SPTBN4: variants seen among roughly 807,000 people sequenced by gnomAD.
The protein encoded by SPTBN4 is spectrin beta, non-erythrocytic 4.
A neutral mutation model predicts 277.8 loss-of-function variants in SPTBN4; 96 were observed. The ratio of observed to expected loss-of-function variants is 0.35; its 90% CI spans 0.29 to 0.41. SPTBN4 has a LOEUF of 0.41. SPTBN4 is among the 10% of genes least tolerant of loss of function. The pLI, the probability that SPTBN4 is intolerant of heterozygous loss-of-function variation, is 1.00. For missense variants in SPTBN4, 3,006 were observed against 3,595.7 expected, an observed-to-expected ratio of 0.84 and a Z score of 4.19; for synonymous variants, 1,481 against 1,580.3, an observed-to-expected ratio of 0.94 and a Z score of 1.49.
intron 22 of SPTBN4, among the ~76,000 whole-genome samples, chr19:40,551,306 C>T (rs902320488): frequency 6.6e-6 from 1 of 152,002 alleles, no homozygotes; most frequent in Non-Finnish European, 1.5e-5. Context: ...GGGAGGGTCC[C>T]TTGAGTCCAG....
intron 1 of SPTBN4, among the ~76,000 whole-genome samples, chr19:40,471,749 T>C (rs57150793): frequency 0.011 from 1,626 of 152,126 alleles, 34 homozygotes; most frequent in African/African-American, 0.037. Flanking sequence ...ATTTTTAAAT[T>C]TTTTTAAAAG....
chr19:40,539,645 A>C (rs2080776252), intron 20 of SPTBN4, among the ~76,000 whole-genome samples: 1 of 151,018 alleles, frequency 6.6e-6, no homozygotes, highest in South Asian at 2.1e-4. Flanking sequence ...ACGCCTGGCT[A>C]ATTTTTGTAT....
chr19:40,481,926 G>A (rs1041456495), intron 2 of SPTBN4, among the ~76,000 whole-genome samples: 4 of 151,488 alleles, frequency 2.6e-5, no homozygotes, highest in African/African-American at 9.7e-5. Flanking sequence ...TAGTGAGATG[G>A]CCATTCAAGT....
chr19:40,532,909 C>A, intron 19 of SPTBN4, 138 bp downstream of exon 19: 1 of 1,089,314 alleles, frequency 9.2e-7, no homozygotes, highest in Non-Finnish European at 1.2e-6. Flanking sequence ...TCCAGATCTG[C>A]TCCTAGCTAT....
chr19:40,535,685 C>T (rs1025317744), intron 20 of SPTBN4, among the ~76,000 whole-genome samples: 3 of 152,182 alleles, frequency 2.0e-5, no homozygotes, highest in Non-Finnish European at 2.9e-5. Context: ...GTAACCCCAG[C>T]ACTTCGGGAG....
intron 17 of SPTBN4, among the ~76,000 whole-genome samples, chr19:40,525,277 G>T (rs1161124116): frequency 2.6e-5 from 4 of 151,166 alleles, no homozygotes; most frequent in Non-Finnish European, 5.9e-5. Flanking sequence ...TCATCATTTA[G>T]TGCCCCCTTT....
chr19:40,575,342 C>T (rs968947169), intron 35 of SPTBN4, 69 bp from the exon 36 acceptor site: 58 of 1,529,140 alleles, frequency 3.8e-5, no homozygotes, highest in Non-Finnish European at 2.7e-5. Context: ...GTAGTCTGAT[C>T]TGAAATTCAC....
chr19:40,509,015 T>C (rs814528), intron 13 of SPTBN4, among the ~76,000 whole-genome samples: 36,010 of 151,072 alleles, frequency 0.24, 5,540 homozygotes, highest in African/African-American at 0.44. Flanking sequence ...TACTCCATCG[T>C]GGTCAGAGTG....
At chr19:40,471,799 C>T (rs1041793691) in intron 1 of SPTBN4, among the ~76,000 whole-genome samples, 18 of 152,014 alleles carry the variant, frequency 1.2e-4, no homozygotes, top group Non-Finnish European at 2.6e-4. Context: ...AGTGCAGTGG[C>T]GCTATCTTGG....
rs1181530873 is a variant in SPTBN4 at position 40,516,003 on chromosome 19, G to GTATA, written c.2903+560_2903+563dup. 8.0e-5 allele frequency among the ~76,000 whole-genome samples: 11 copies of GTATA among 137,018 alleles called. No individual in the cohort carries two copies. In the South Asian group the frequency reaches 1.2e-3, roughly 15 times the overall value. The allele number at this position is 137,018 out of a possible 152,430, so 89.9% of individuals were successfully genotyped here. ...TATACGTATATATACACATATATAC[G>GTATA]TATATATACACACATATACGTATAT... On this transcript the variant is annotated intron_variant, in intron 15 of 35. Coordinates refer to ENST00000598249, the MANE Select transcript of SPTBN4 (RefSeq NM_020971.3).
intron 21 of SPTBN4, 117 bp from the exon 22 acceptor site, chr19:40,550,121 C>A (rs572333237): frequency 9.6e-6 from 7 of 726,492 alleles, no homozygotes; most frequent in African/African-American, 1.8e-5. Flanking sequence ...GCTGAATATT[C>A]AACTGGGCTC....
At chr19:40,498,838 A>T (rs981277291) in intron 7 of SPTBN4, among the ~76,000 whole-genome samples, 1 of 151,828 alleles carries the variant, frequency 6.6e-6, no homozygotes, top group African/African-American at 2.4e-5. Flanking sequence ...AGTAGCTGGG[A>T]CTACAGGTGT....
intron 1 of SPTBN4, among the ~76,000 whole-genome samples, chr19:40,469,411 C>G (rs750818065): frequency 6.8e-6 from 1 of 146,788 alleles, no homozygotes; most frequent in Non-Finnish European, 1.5e-5. Context: ...ATTACAGGCA[C>G]CTGCAACCTT....
At chr19:40,470,545 G>A (rs1469229348) in intron 1 of SPTBN4, among the ~76,000 whole-genome samples, 1 of 149,492 alleles carries the variant, frequency 6.7e-6, no homozygotes, top group Non-Finnish European at 1.5e-5. Context: ...GACCTCAAGC[G>A]ATCTGCCTGC....
chr19:40,554,430 G>A lies in SPTBN4; in HGVS notation c.4953+5G>A, dbSNP rs1286958274. 1 of 1,550,928 alleles carries A rather than the reference G, an allele frequency of 6.4e-7. No homozygotes were observed. The highest frequency in any genetic ancestry group is 1.9e-5 in the Admixed American group (1 of 52,510). On this transcript the variant is annotated splice_donor_5th_base_variant and intron_variant, in intron 23 of 35. Coordinates refer to ENST00000598249, the MANE Select transcript of SPTBN4 (RefSeq NM_020971.3). This position sits in a 1 kb window ranked among gnomAD's most constrained non-coding sequence, Gnocchi z 5.7. ...ATGAGTGAGGACAAGGGCAAGGTGCGCCCGAGCTGGGGGTGCGGAGGGCCT... is the reference window on the plus strand; with the variant it reads ...ATGAGTGAGGACAAGGGCAAGGTGCACCCGAGCTGGGGGTGCGGAGGGCCT...
intron 7 of SPTBN4, among the ~76,000 whole-genome samples, chr19:40,500,180 G>A (rs1379370592): frequency 1.3e-5 from 2 of 151,820 alleles, no homozygotes. Flanking sequence ...CTGCACCCCA[G>A]ATCCCAACTC....
chr19:40,490,212 G>T lies in SPTBN4; in HGVS notation c.459G>T (p.Thr153=), dbSNP rs752476135. Residue 153 remains threonine, a synonymous_variant, in exon 4 of 36, where the codon ACG becomes ACT. Transcript: ENST00000598249. The surrounding 1 kb of genome is among the most constrained non-coding windows in gnomAD (Gnocchi z 4.3). ...HDIVDGNHRL[T]LGLVWTIILR... ...TCGTGGATGGGAATCACCGGCTGAC[G>T]CTGGGGCTGGTCTGGACCATCATCC... The T allele has an allele frequency of 3.7e-6, 6 of 1,614,054 alleles. No individual in the cohort carries two copies. Among genetic ancestry groups the T allele is most frequent in the Non-Finnish European group, 4.2e-6 (5 of 1,180,014 alleles).
chr19:40,524,512 C>CA (rs373029329), intron 17 of SPTBN4: 3,387 of 358,840 alleles, frequency 9.4e-3, no homozygotes, highest in East Asian at 0.015. Flanking sequence ...GTCCCCCCTC[C>CA]AAAAAAAAAA....
chr19:40,519,814 G>C lies in SPTBN4; in HGVS notation c.3317G>C (p.Arg1106Pro). Residue 1106 changes from arginine (R) to proline (P), a missense_variant, in exon 16 of 36, where the codon CGC (arginine) becomes CCC (proline). Coordinates refer to ENST00000598249, the MANE Select transcript of SPTBN4 (RefSeq NM_020971.3). The surrounding 1 kb of genome is among the most constrained non-coding windows in gnomAD (Gnocchi z 5.7). Reference protein sequence around the residue: ...DLDAFLDWLVRAQEAAGGSEG... With the variant: ...DLDAFLDWLVPAQEAAGGSEG... ...GACGCTTTCCTGGACTGGCTCGTGC[G>C]CGCCCAGGAGGCGGCGGGCGGCAGC... 1 of 1,434,322 alleles carries C rather than the reference G, an allele frequency of 7.0e-7. No individual in the cohort carries two copies. The highest frequency in any genetic ancestry group is 9.0e-7 in the Non-Finnish European group (1 of 1,107,046). The allele number at this position is 1,434,322 out of a possible 1,614,324, so 88.8% of individuals were successfully genotyped here.
Sources: gnomAD v4.1 joint callset for allele counts (sites outside exome capture counted in the v4.1 genomes callset) on GRCh38, gnomAD v4.1.1 for gene constraint, Gnocchi (gnomAD v3.1) non-coding constraint, MANE v1.5 for transcripts, NCBI Gene and HGNC (gene_info 2026-07-23, HGNC 2026-07-21) for gene names.